The following MID1 variants were observed in gnomAD, a reference collection of about 807,000 sequenced individuals.
MID1 encodes the protein midline 1.
MID1 carries 7 observed loss-of-function variants against 40.4 expected under a neutral mutation model. That is an observed-to-expected ratio of 0.17 (90% confidence interval 0.10 to 0.33). MID1 has a LOEUF of 0.33. Among genes scored for constraint, MID1 ranks in the 10% least tolerant of loss-of-function variants. MID1 has a pLI of 1.00. For missense variants in MID1, 367 were observed against 558.5 expected (o/e 0.66, Z 3.46); for synonymous variants, 229 against 221.2 (o/e 1.04, Z -0.31).
At chrX:10,513,637 C>T (rs192487190) in intron 3 of MID1, among the ~76,000 whole-genome samples, 184 of 111,853 alleles carry the variant, frequency 1.6e-3, no homozygotes, top group African/African-American at 5.7e-3. Context: ...GCCTCTCGAG[C>T]AGCTGGGATT....
At chrX:10,660,642 AT>A (rs914945629) in intron 1 of MID1, among the ~76,000 whole-genome samples, 3 of 110,125 alleles carry the variant, frequency 2.7e-5, no homozygotes, top group African/African-American at 6.6e-5. Context: ...CTATTAACAC[AT>A]TTTTTTTTCC....
intron 1 of MID1, among the ~76,000 whole-genome samples, chrX:10,811,102 A>T (rs1193136323): frequency 9.0e-6 from 1 of 111,408 alleles, no homozygotes; most frequent in Non-Finnish European, 1.9e-5. Context: ...TTCTGAGGTC[A>T]CTTATGACTC....
rs546280390 is a variant in MID1 at position 10,472,248 on chromosome X, G to A, written c.1141+2375C>T. Among the ~76,000 whole-genome samples, 112 of 112,361 alleles carry A rather than the reference G, an allele frequency of 1.0e-3. 2 individuals are homozygous for A. The South Asian group carries it at 0.039, about 39-fold the overall frequency. On this transcript the variant is annotated intron_variant, in intron 6 of 9. Coordinates refer to ENST00000317552, the MANE Select transcript of MID1 (RefSeq NM_000381.4). Reference sequence around the variant, plus strand: ...AGCATCATATGTTATGGTCAGGATCGATGTTATGTCTAGAAATGGACTGAA... The same window carrying A: ...AGCATCATATGTTATGGTCAGGATCAATGTTATGTCTAGAAATGGACTGAA...
intron 1 of MID1, among the ~76,000 whole-genome samples, chrX:10,773,310 G>A (rs1322734998): frequency 8.9e-6 from 1 of 111,902 alleles, no homozygotes; most frequent in African/African-American, 3.2e-5. Context: ...TGCCTTTGAT[G>A]AATTAACAGA....
chrX:10,518,577 C>A (rs1932562642), intron 3 of MID1, among the ~76,000 whole-genome samples: 1 of 110,986 alleles, frequency 9.0e-6, no homozygotes, highest in South Asian at 3.8e-4. Context: ...TTAAAAAAAT[C>A]TTTGATGTGG....
intron 1 of MID1, among the ~76,000 whole-genome samples, chrX:10,775,576 G>A (rs2043796694): frequency 8.9e-6 from 1 of 112,122 alleles, no homozygotes; most frequent in South Asian, 3.7e-4. Flanking sequence ...ACCTCATAAT[G>A]GAAGCATAGC....
intron 1 of MID1, among the ~76,000 whole-genome samples, chrX:10,667,637 G>A (rs1000109939): frequency 1.8e-5 from 2 of 111,608 alleles, no homozygotes; most frequent in African/African-American, 3.3e-5. Context: ...GGGGTGTGTG[G>A]GGGGAGTCTT....
At chrX:10,693,926 A>G (rs2043145813) in intron 1 of MID1, among the ~76,000 whole-genome samples, 1 of 112,377 alleles carries the variant, frequency 8.9e-6, no homozygotes, top group Admixed American at 9.4e-5. Flanking sequence ...TTAGGGAATG[A>G]AGTAGCAAAA....
chrX:10,573,439 A>T (rs1434074506), intron 1 of MID1, among the ~76,000 whole-genome samples: 1 of 112,054 alleles, frequency 8.9e-6, no homozygotes, highest in Admixed American at 9.4e-5. Context: ...GTGAGAACCA[A>T]TCTAGTCTCC....
At chrX:10,476,443 G>A (rs1930018248) in intron 5 of MID1, among the ~76,000 whole-genome samples, 1 of 110,367 alleles carries the variant, frequency 9.1e-6, no homozygotes, top group African/African-American at 3.3e-5. Context: ...CAAAGTGCTG[G>A]GATTACAGGT....
At chrX:10,825,588 A>C (rs1027070405) in intron 1 of MID1, among the ~76,000 whole-genome samples, 3 of 112,059 alleles carry the variant, frequency 2.7e-5, no homozygotes, top group Non-Finnish European at 5.6e-5. Flanking sequence ...TCCTCTTAGA[A>C]ATGATAAGGG....
At chrX:10,517,835 A>T (rs1379003477) in intron 3 of MID1, among the ~76,000 whole-genome samples, 5 of 112,574 alleles carry the variant, frequency 4.4e-5, no homozygotes, top group Non-Finnish European at 9.4e-5. Flanking sequence ...CCAGCTAGAA[A>T]TAATTTCTTG....
chrX:10,572,788 T>C (rs1229493535), intron 1 of MID1, among the ~76,000 whole-genome samples: 1 of 111,352 alleles, frequency 9.0e-6, no homozygotes, highest in Non-Finnish European at 1.9e-5. Context: ...ATCTTGAGAG[T>C]CCCTTGCAAC....
At chrX:10,556,445 G>A (rs1478271705) in intron 2 of MID1, among the ~76,000 whole-genome samples, 1 of 111,842 alleles carries the variant, frequency 8.9e-6, no homozygotes, top group African/African-American at 3.2e-5. Flanking sequence ...GGTTTAGAAA[G>A]GACAAATCAA....
In MID1 at chrX:10,754,323, G is replaced by GT. The variant is rs59162348; in HGVS notation, c.-187+79230dup. Among the ~76,000 whole-genome samples, 792 of 106,193 alleles carry GT rather than the reference G, an allele frequency of 7.5e-3. 13 individuals carry two copies. The highest frequency in any genetic ancestry group is 0.026 in the African/African-American group (712 of 27,197). The allele number at this position is 106,193 out of a possible 115,157, so 92.2% of individuals were successfully genotyped here. A position where few individuals can be genotyped will look rare whatever the true frequency, so the allele number is the denominator to read the frequency against. Reference sequence around the variant, plus strand: ...AGTTTTTTTTTGTTTTTTGTTTTTTGTTTTTTTTGTCATCTGTCAGCCTGC... The same window carrying GT: ...AGTTTTTTTTTGTTTTTTGTTTTTTGTTTTTTTTTGTCATCTGTCAGCCTGC... On this transcript the variant is annotated intron_variant, in intron 1 of 10. Transcript: ENST00000380785.
At chrX:10,666,485 T>C (rs910029924) in intron 1 of MID1, among the ~76,000 whole-genome samples, 4 of 103,045 alleles carry the variant, frequency 3.9e-5, no homozygotes, top group Non-Finnish European at 7.9e-5. Flanking sequence ...TTTTGAAAAA[T>C]GGAAGAGGAA....
At chrX:10,482,251 CTCT>C (rs1296646615) in intron 5 of MID1, among the ~76,000 whole-genome samples, 1 of 111,795 alleles carries the variant, frequency 8.9e-6, no homozygotes, top group African/African-American at 3.3e-5. Context: ...AACTGGTGGA[CTCT>C]TGTTTCAAAG....
chrX:10,534,626 G>A (rs751765492), intron 2 of MID1, among the ~76,000 whole-genome samples: 10 of 111,614 alleles, frequency 9.0e-5, no homozygotes, highest in African/African-American at 3.3e-4. Context: ...TTCAATACAT[G>A]ATCAGCTTTG....
intron 1 of MID1, among the ~76,000 whole-genome samples, chrX:10,570,832 G>C (rs182442405): frequency 2.7e-5 from 3 of 112,634 alleles, no homozygotes; most frequent in Admixed American, 9.4e-5. Flanking sequence ...TCACAGGCCA[G>C]CATTGGCCTG....
Sources: gnomAD v4.1 joint callset for allele counts (sites outside exome capture counted in the v4.1 genomes callset) on GRCh38, gnomAD v4.1.1 for gene constraint, MANE v1.5 for transcripts, NCBI Gene and HGNC (gene_info 2026-07-23, HGNC 2026-07-21) for gene names.